Variants in TSN observed in about 807,000 individuals in gnomAD.
TSN encodes the protein component 3 of promoter of RISC.
TSN carries 5 observed loss-of-function variants against 29.4 expected under a neutral mutation model. The observed-to-expected ratio is 0.17, with a 90% confidence interval of 0.09 to 0.36. The LOEUF is 0.36. Among genes scored for constraint, TSN ranks in the 10% least tolerant of loss-of-function variants. TSN has a pLI of 1.00. For missense variants in TSN, 159 were observed against 272.8 expected (o/e 0.58, Z 2.94); for synonymous variants, 106 against 102.2 (o/e 1.04, Z -0.23).
Position 121,765,932 on chromosome 2 carries a change from C to G in TSN, c.*565C>G, listed in dbSNP as rs1031877735. The G allele has an allele frequency of 6.5e-6, 1 of 152,744 alleles. No homozygotes were observed. The highest frequency in any genetic ancestry group is 6.5e-5 in the Admixed American group (1 of 15,338). 9.5% of individuals were successfully genotyped at this position (152,744 alleles called of 1,614,324 possible). Reference sequence around the variant, plus strand: ...GCTGCAGGTTCTCTCTCACTGCCATCAAACTGTAAAAGATTAAACTGCGAA... The same window carrying G: ...GCTGCAGGTTCTCTCTCACTGCCATGAAACTGTAAAAGATTAAACTGCGAA... On this transcript the variant is annotated 3_prime_UTR_variant, in exon 6 of 6. Coordinates refer to ENST00000389682, the MANE Select transcript of TSN (RefSeq NM_004622.3).
intron 2 of TSN, 77 bp downstream of exon 2, chr2:121,757,410 T>C: frequency 6.3e-7 from 1 of 1,598,598 alleles, no homozygotes; most frequent in Non-Finnish European, 8.5e-7. Flanking sequence ...CATTTTATAA[T>C]GAAAAATGGC....
At position 121,767,592 on chromosome 2, in the gene TSN, A is replaced by C. The variant is rs1045125837; in HGVS notation, c.*2225A>C. The C allele has an allele frequency of 6.6e-6, 1 of 152,074 alleles. No individual in the cohort carries two copies. Among genetic ancestry groups the C allele is most frequent in the Non-Finnish European group, 1.5e-5 (1 of 68,004 alleles). 9.4% of individuals were successfully genotyped at this position (152,074 alleles called of 1,614,324 possible). On this transcript the variant is annotated 3_prime_UTR_variant, in exon 6 of 6. Coordinates refer to ENST00000389682, the MANE Select transcript of TSN (RefSeq NM_004622.3). ...ATCAAGCAGGTTAGAGAAAATAGAG[A>C]TGAATTAGGGGACACTGTCTTATGG... is the stretch of plus-strand genomic sequence containing the variant.
intron 1 of TSN, chr2:121,756,723 G>T (rs1420307771): frequency 2.6e-6 from 2 of 777,904 alleles, no homozygotes; most frequent in Non-Finnish European, 3.7e-6. Flanking sequence ...TGGCCAACAT[G>T]GGGAAACCCT....
At chr2:121,756,855 G>T (rs1333409285) in intron 1 of TSN, among the ~76,000 whole-genome samples, 2 of 151,326 alleles carry the variant, frequency 1.3e-5, no homozygotes, top group Non-Finnish European at 2.9e-5. Context: ...GTTGCGGTGA[G>T]CTGAGATCGC....
In TSN at chr2:121,755,738, G is replaced by A. The variant is rs747355799; in HGVS notation, c.-42G>A. ...GTTGCCTGCGGCGTCCACTTCCTTG[G>A]CCGCCCTTGCTACACTGGCTGATTG... On this transcript the variant is annotated 5_prime_UTR_variant, in exon 1 of 6. Transcript: ENST00000389682. 6.2e-7 allele frequency: 1 copy of A among 1,610,342 alleles called. No homozygotes were observed. The highest frequency in any genetic ancestry group is 1.1e-5 in the South Asian group (1 of 91,066).
At chr2:121,756,496 A>T (rs548044968) in intron 1 of TSN, 15 of 413,888 alleles carry the variant, frequency 3.6e-5, no homozygotes, top group Admixed American at 1.3e-4. Flanking sequence ...TGATTATTTT[A>T]AAAAAATCTT....
At chr2:121,756,053 C>T in intron 1 of TSN, 4 of 1,066,772 alleles carry the variant, frequency 3.7e-6, no homozygotes, top group East Asian at 2.7e-5. Context: ...CTCAGCTTCT[C>T]AGCATCACTT....
chr2:121,765,423 G>A lies in TSN; in HGVS notation c.*56G>A. On this transcript the variant is annotated 3_prime_UTR_variant, in exon 6 of 6. Transcript: ENST00000389682. Reference sequence around the variant, plus strand: ...CTCAGCGGTTGCCAGGAAGGGGTGAGCACAGAGTGCCTCTTACGGTAGTTA... The same window carrying A: ...CTCAGCGGTTGCCAGGAAGGGGTGAACACAGAGTGCCTCTTACGGTAGTTA... The A allele has an allele frequency of 1.3e-6, 2 of 1,514,208 alleles. No individual in the cohort carries two copies. Among genetic ancestry groups the A allele is most frequent in the Non-Finnish European group, 1.8e-6 (2 of 1,093,064 alleles). The allele number at this position is 1,514,208 out of a possible 1,614,324, so 93.8% of individuals were successfully genotyped here. A position where few individuals can be genotyped will look rare whatever the true frequency, so the allele number is the denominator to read the frequency against.
intron 4 of TSN, 129 bp downstream of exon 4, chr2:121,761,653 G>T: frequency 2.9e-6 from 2 of 699,076 alleles, no homozygotes; most frequent in Non-Finnish European, 5.0e-6. Context: ...GTTGTAGCTT[G>T]GTATCTGAGG....
In TSN at chr2:121,755,739, C is replaced by T; in HGVS notation, c.-41C>T. ...TTGCCTGCGGCGTCCACTTCCTTGG[C>T]CGCCCTTGCTACACTGGCTGATTGT... is the stretch of plus-strand genomic sequence containing the variant. On this transcript the variant is annotated 5_prime_UTR_variant, in exon 1 of 6. Transcript: ENST00000389682. 2 of 1,610,212 alleles carry T rather than the reference C, an allele frequency of 1.2e-6. No homozygotes were observed. Among genetic ancestry groups the T allele is most frequent in the East Asian group, 2.2e-5 (1 of 44,868 alleles).
intron 4 of TSN, 65 bp from the exon 5 acceptor site, chr2:121,762,940 A>T (rs1026545653): frequency 1.1e-4 from 159 of 1,388,986 alleles, no homozygotes; most frequent in Non-Finnish European, 1.5e-4. Context: ...AATTATGTGT[A>T]TATTTTTATA....
chr2:121,757,609 G>C, intron 2 of TSN: 1 of 454,786 alleles, frequency 2.2e-6, no homozygotes, highest in East Asian at 4.4e-5. Context: ...CTCTCTGCCA[G>C]CACAGTATTC....
In TSN at chr2:121,766,622, A is replaced by G. The variant is rs905216185; in HGVS notation, c.*1255A>G. On this transcript the variant is annotated 3_prime_UTR_variant, in exon 6 of 6. Transcript: ENST00000389682. The stretch of plus-strand genomic sequence containing the variant: ...TCCCCACACGCCCCAATTTTCAGGT[A>G]GTACTAAGAGTATGTGCCAGGAAAC... 5 of 152,220 alleles carry G rather than the reference A, an allele frequency of 3.3e-5. No homozygotes were observed. Among genetic ancestry groups the G allele is most frequent in the Non-Finnish European group, 5.9e-5 (4 of 68,032 alleles). The allele number at this position is 152,220 out of a possible 1,614,324, so 9.4% of individuals were successfully genotyped here. A position where few individuals can be genotyped will look rare whatever the true frequency, so the allele number is the denominator to read the frequency against.
At chr2:121,758,015 TTGTG>T (rs963979931) in intron 2 of TSN, among the ~76,000 whole-genome samples, 6 of 150,358 alleles carry the variant, frequency 4.0e-5, no homozygotes, top group Admixed American at 6.6e-5. Flanking sequence ...ATTTGGCCCT[TTGTG>T]TGTGTGTGTG....
At chr2:121,761,928 C>T (rs931794814) in intron 4 of TSN, among the ~76,000 whole-genome samples, 2 of 152,052 alleles carry the variant, frequency 1.3e-5, no homozygotes, top group Non-Finnish European at 2.9e-5. Context: ...AGTGATTCTC[C>T]TGCCTCAGCC....
intron 5 of TSN, among the ~76,000 whole-genome samples, chr2:121,764,807 A>G (rs780796016): frequency 6.6e-6 from 1 of 152,112 alleles, no homozygotes; most frequent in African/African-American, 2.4e-5. Flanking sequence ...TGCTGTGATT[A>G]TTTTGTCGTT....
At chr2:121,764,177 C>G (rs1208558806) in intron 5 of TSN, among the ~76,000 whole-genome samples, 1 of 152,230 alleles carries the variant, frequency 6.6e-6, no homozygotes, top group East Asian at 1.9e-4. Context: ...CATTGAAAAC[C>G]TGAGGAAGAT....
At chr2:121,760,994 C>T (rs1019828747) in intron 3 of TSN, among the ~76,000 whole-genome samples, 5 of 151,760 alleles carry the variant, frequency 3.3e-5, no homozygotes, top group African/African-American at 9.7e-5. Flanking sequence ...CTCAGCCTCC[C>T]GAGTAGCTGG....
At chr2:121,755,944 G>A (rs943465153) in intron 1 of TSN, 99 bp downstream of exon 1, 8 of 1,574,216 alleles carry the variant, frequency 5.1e-6, no homozygotes, top group African/African-American at 2.7e-5. Context: ...CGGTGGGGAC[G>A]CCTCCGAGGG....
Sources: gnomAD v4.1 joint callset for allele counts (sites outside exome capture counted in the v4.1 genomes callset) on GRCh38, gnomAD v4.1.1 for gene constraint, MANE v1.5 for transcripts, NCBI Gene and HGNC (gene_info 2026-07-23, HGNC 2026-07-21) for gene names.